The following SEMA6C variants were observed in gnomAD, a reference collection of about 807,000 sequenced individuals.
SEMA6C encodes the protein semaphorin-6C.
SEMA6C carries 37 observed loss-of-function variants against 72.9 expected under a neutral mutation model. That is an observed-to-expected ratio of 0.51 (90% confidence interval 0.39 to 0.67). The LOEUF is 0.67. Among genes scored for constraint, SEMA6C ranks in the 30% least tolerant of loss-of-function variants. The pLI, the probability that SEMA6C is intolerant of heterozygous loss-of-function variation, is 0.00. For synonymous variants in SEMA6C, 578 were observed against 554.1 expected (o/e 1.04, Z -0.61); for missense variants, 1,189 against 1,263.6 (o/e 0.94, Z 0.89).
Position 151,139,409 on chromosome 1 carries a change from T to C in SEMA6C, c.354+16A>G, listed in dbSNP as rs767742286. On this transcript the variant is annotated intron_variant, in intron 6 of 18. Transcript: ENST00000368914. The stretch of plus-strand genomic sequence containing the variant: ...TAATCCTCTCCTTCCCTCCACATTC[T>C]CGTCTCACTCCTTACCGTCAGCTTT... 6 of 1,610,316 alleles carry C rather than the reference T, an allele frequency of 3.7e-6. No individual in the cohort carries two copies. In the South Asian group the frequency reaches 6.6e-5, roughly 18 times the overall value.
chr1:151,141,769 G>T lies in SEMA6C; in HGVS notation c.118+735C>A, dbSNP rs587685381. ...TTTTAAAGAGATGGGATGGGGGTTG[G>T]GGGGTGGGATGACTCTGGCTGTGTT... On this transcript the variant is annotated intron_variant, in intron 3 of 18. Transcript: ENST00000368914. Among the ~76,000 whole-genome samples the T allele has an allele frequency of 1.0e-4, 15 of 150,126 alleles. No homozygotes were observed. In the South Asian group the frequency reaches 2.8e-3, roughly 28 times the overall value.
Position 151,139,695 on chromosome 1 carries a change from G to A in SEMA6C, c.240C>T (p.His80=), listed in dbSNP as rs752733046. The A allele has an allele frequency of 3.1e-6, 5 of 1,602,604 alleles. No homozygotes were observed. In the African/African-American group the frequency reaches 5.4e-5, roughly 17 times the overall value. ...NRTLLVAARD[H]VFSFDLQAEE... Reference sequence around the variant, plus strand: ...CGGCTTGAAGATCGAAGGAGAAAACGTGATCCCTGAGGGGGTAGGTAAGGA... The same window carrying A: ...CGGCTTGAAGATCGAAGGAGAAAACATGATCCCTGAGGGGGTAGGTAAGGA... The change falls in exon 5 of 19, where the codon CAC becomes CAT. Residue 80 remains histidine, a synonymous_variant. Transcript: ENST00000368914.
At chr1:151,136,355 G>A in intron 12 of SEMA6C, 93 bp downstream of exon 12, 2 of 1,540,402 alleles carry the variant, frequency 1.3e-6, no homozygotes, top group Non-Finnish European at 8.8e-7. Context: ...CCCACCCTGA[G>A]GCCTTGGACA....
At chr1:151,135,456 C>T (rs965393218) in intron 14 of SEMA6C, 135 bp downstream of exon 14, 36 of 1,446,754 alleles carry the variant, frequency 2.5e-5, no homozygotes, top group Middle Eastern at 2.0e-4. Flanking sequence ...CCAGTCTTCT[C>T]GCCAAGCCTG....
At position 151,132,994 on chromosome 1, in the gene SEMA6C, G is replaced by A; in HGVS notation, c.2283C>T (p.Ala761=). Residue 761 remains alanine, a synonymous_variant, in exon 19 of 19, where the codon GCC becomes GCT. Coordinates refer to ENST00000368914, the MANE Select transcript of SEMA6C (RefSeq NM_030913.6). ...GTTCCTCCAGGGTGGTGACTTCCAC[G>A]GCCTGCCCGGGACAGCCGGGCGGCG... ...RPPPPGCPGQ[A]VEVTTLEELL... The A allele has an allele frequency of 5.0e-6, 7 of 1,410,758 alleles. No homozygotes were observed. Among genetic ancestry groups the A allele is most frequent in the Non-Finnish European group, 5.6e-6 (6 of 1,078,786 alleles). The allele number at this position is 1,410,758 out of a possible 1,614,324, so 87.4% of individuals were successfully genotyped here.
At position 151,132,214 on chromosome 1, in the gene SEMA6C, G is replaced by A. The variant is rs1681588109; in HGVS notation, c.*270C>T. Reference sequence around the variant, plus strand: ...GGGGCGAGTTAAGGCAGCTTGGCTGGAAGGGAGCGGGGAGTGGGAGTCCGC... The same window carrying A: ...GGGGCGAGTTAAGGCAGCTTGGCTGAAAGGGAGCGGGGAGTGGGAGTCCGC... On this transcript the variant is annotated 3_prime_UTR_variant, in exon 19 of 19. Coordinates refer to ENST00000368914, the MANE Select transcript of SEMA6C (RefSeq NM_030913.6). 1 of 1,495,072 alleles carries A rather than the reference G, an allele frequency of 6.7e-7. No homozygotes were observed. The highest frequency in any genetic ancestry group is 1.4e-5 in the African/African-American group (1 of 72,266). The allele number at this position is 1,495,072 out of a possible 1,614,324, so 92.6% of individuals were successfully genotyped here.
In SEMA6C at chr1:151,133,177, G is replaced by A. The variant is rs1363969062; in HGVS notation, c.2100C>T (p.Thr700=). The change falls in exon 19 of 19, where the codon ACC becomes ACT. Residue 700 remains threonine, a synonymous_variant. Transcript: ENST00000368914. The surrounding 1 kb of genome is among the most constrained non-coding windows in gnomAD (Gnocchi z 5.9). ...CCGGCAGCTCCGGCGTGGACTCGGG[G>A]GTGGGCAGGCAGGCCAGCTCCGGCG... ...VPPPELACLP[T]PESTPELPVK... is the part of the protein sequence containing the mutation. 2.6e-5 allele frequency: 41 copies of A among 1,562,236 alleles called. No homozygotes were observed. The highest frequency in any genetic ancestry group is 3.4e-5 in the Non-Finnish European group (40 of 1,164,748).
intron 18 of SEMA6C, chr1:151,134,046 C>T: frequency 6.6e-7 from 1 of 1,517,644 alleles, no homozygotes; most frequent in Non-Finnish European, 8.8e-7. Flanking sequence ...AGGGCCAGGA[C>T]CCGGAAGCAC....
rs1323846629 is a variant in SEMA6C at position 151,137,086 on chromosome 1, G to A, written c.757-12C>T. On this transcript the variant is annotated splice_polypyrimidine_tract_variant and intron_variant, in intron 10 of 18. Transcript: ENST00000368914. ...CGGGAGAACTGCACCTAGGGGAGGA[G>A]AGTGGAGTAGACAATGGTGAGACAG... The A allele has an allele frequency of 1.2e-6, 2 of 1,610,292 alleles. No individual in the cohort carries two copies. The highest frequency in any genetic ancestry group is 1.1e-5 in the South Asian group (1 of 90,936).
chr1:151,138,506 T>C (rs1309175906), intron 7 of SEMA6C, 100 bp from the exon 8 acceptor site: 17 of 1,420,410 alleles, frequency 1.2e-5, no homozygotes, highest in Admixed American at 1.1e-4. Flanking sequence ...CCAACCCCTC[T>C]GGACCCTTGC....
At chr1:151,138,993 T>C (rs1682288171) in intron 6 of SEMA6C, among the ~76,000 whole-genome samples, 1 of 149,434 alleles carries the variant, frequency 6.7e-6, no homozygotes. Context: ...CTTGGGAGGC[T>C]GAGGCAGGAG....
At chr1:151,144,514 T>C (rs587746307) in intron 1 of SEMA6C, 80 bp from the exon 2 acceptor site, 1 of 152,730 alleles carries the variant, frequency 6.5e-6, no homozygotes, top group South Asian at 2.1e-4. Context: ...AATGTAAAAA[T>C]TCAAGAAAAG....
In SEMA6C at chr1:151,133,957, T is replaced by C. The variant is rs1681798602; in HGVS notation, c.1760-440A>G. On this transcript the variant is annotated intron_variant, in intron 18 of 18. Transcript: ENST00000368914. This position sits in a 1 kb window ranked among gnomAD's most constrained non-coding sequence, Gnocchi z 5.9. ...TCCTATCTCTCCCAAGTAGCCCCCT[T>C]ACCCCGAGTGTGAACTCCAAGAGTG... is the stretch of plus-strand genomic sequence containing the variant. The C allele has an allele frequency of 3.0e-6, 4 of 1,338,920 alleles. No individual in the cohort carries two copies. Among genetic ancestry groups the C allele is most frequent in the Non-Finnish European group, 4.0e-6 (4 of 1,004,288 alleles). 82.9% of individuals were successfully genotyped at this position (1,338,920 alleles called of 1,614,324 possible).
At chr1:151,142,731 G>A (rs1236207350) in intron 2 of SEMA6C, 56 bp from the exon 3 acceptor site, 1 of 876,994 alleles carries the variant, frequency 1.1e-6, no homozygotes. Flanking sequence ...CTCCCCTGAA[G>A]CAAGCCAGCA....
At chr1:151,134,216 T>C in intron 18 of SEMA6C, 185 bp downstream of exon 18, 1 of 759,692 alleles carries the variant, frequency 1.3e-6, no homozygotes, top group East Asian at 2.7e-5. Flanking sequence ...GGACATTGAT[T>C]TATTTGTTCA....
rs1417984477 is a variant in SEMA6C at position 151,132,878 on chromosome 1, GC to G, written c.2398del (p.Ala800ProfsTer19). The G allele has an allele frequency of 7.7e-7, 1 of 1,299,418 alleles. No homozygotes were observed. The highest frequency in any genetic ancestry group is 9.8e-7 in the Non-Finnish European group (1 of 1,023,782). The allele number at this position is 1,299,418 out of a possible 1,614,324, so 80.5% of individuals were successfully genotyped here. ...GCTGGGGCCGCCCAAGAGGGCGGGGGCGGGCTCCGGCGGGAGCGCCCGCGAG... is the reference window on the plus strand; with the variant it reads ...GCTGGGGCCGCCCAAGAGGGCGGGGGGGGCTCCGGCGGGAGCGCCCGCGAG... ...LTSRALPPEPAPALLGGPSPR... is the reference protein window; with the variant it reads ...LTSRALPPEPXPALLGGPSPR... On this transcript the variant is annotated frameshift_variant, in exon 19 of 19. Transcript: ENST00000368914. LOFTEE classifies it low-confidence loss of function (END_TRUNC).
rs74949844 is a variant in SEMA6C, at chr1:151,142,541, G to A, written c.81C>T (p.Pro27=). 0.039 allele frequency: 62,675 copies of A among 1,612,814 alleles called. 1,482 individuals are homozygous for A. Among genetic ancestry groups the A allele is most frequent in the Middle Eastern group, 0.075 (453 of 6,056 alleles). ...AGATCAACAGAGGGAGGGGGTCCTG[G>A]GGAAAGGCGGCCTGAGTATGGGGAA... ...LSLPHTQAAF[P]QDPLPLLISD... is the part of the protein sequence containing the mutation. Residue 27 remains proline, a synonymous_variant, in exon 3 of 19, where the codon CCC becomes CCT. Transcript: ENST00000368914.
At position 151,133,932 on chromosome 1, in the gene SEMA6C, TC is replaced by T. The variant is rs1368303318; in HGVS notation, c.1760-416del. The T allele has an allele frequency of 6.8e-7, 1 of 1,477,036 alleles. No homozygotes were observed. Among genetic ancestry groups the T allele is most frequent in the Admixed American group, 2.0e-5 (1 of 49,912 alleles). The allele number at this position is 1,477,036 out of a possible 1,614,324, so 91.5% of individuals were successfully genotyped here. Reference sequence around the variant, plus strand: ...GAGAATCAGCAGCCCCACACTTCACTCCTATCTCTCCCAAGTAGCCCCCTTA... The same window carrying T: ...GAGAATCAGCAGCCCCACACTTCACTCTATCTCTCCCAAGTAGCCCCCTTA... On this transcript the variant is annotated intron_variant, in intron 18 of 18. Transcript: ENST00000368914. This position sits in a 1 kb window ranked among gnomAD's most constrained non-coding sequence, Gnocchi z 5.9.
At position 151,133,299 on chromosome 1, in the gene SEMA6C, C is replaced by G; in HGVS notation, c.1978G>C (p.Gly660Arg). Residue 660 changes from glycine (G) to arginine (R), a missense_variant, in exon 19 of 19, where the codon GGG (glycine) becomes CGG (arginine). Gly to Arg is a moderately radical substitution (Grantham distance 125, BLOSUM62 -2). Transcript: ENST00000368914. This position sits in a 1 kb window ranked among gnomAD's most constrained non-coding sequence, Gnocchi z 5.9. Reference sequence around the variant, plus strand: ...GAGGGCGGCGGGGGCTCTGGGCCCCCACCGTGGAGCCGGGCCAAACTGCGG... The same window carrying G: ...GAGGGCGGCGGGGGCTCTGGGCCCCGACCGTGGAGCCGGGCCAAACTGCGG... ...SLRSLARLHG[G>R]GPEPPPPSKD... 6.3e-7 allele frequency: 1 copy of G among 1,581,154 alleles called. No individual in the cohort carries two copies. Among genetic ancestry groups the G allele is most frequent in the Non-Finnish European group, 8.6e-7 (1 of 1,167,574 alleles).
Sources: gnomAD v4.1 joint callset for allele counts (sites outside exome capture counted in the v4.1 genomes callset) on GRCh38, gnomAD v4.1.1 for gene constraint, Gnocchi (gnomAD v3.1) non-coding constraint, MANE v1.5 for transcripts, NCBI Gene and HGNC (gene_info 2026-07-23, HGNC 2026-07-21) for gene names.